LCN6: variants seen among roughly 807,000 people sequenced by gnomAD.
LCN6 encodes epididymal-specific lipocalin-6.
A neutral mutation model predicts 21.4 loss-of-function variants in LCN6; 20 were observed. The ratio of observed to expected loss-of-function variants is 0.93; its 90% confidence interval spans 0.66 to 1.36. The LOEUF (loss-of-function observed/expected upper bound fraction) is 1.36, where lower values mean the gene tolerates loss of function less well. LCN6 is among the 40% of genes most tolerant of loss of function. LCN6 has a pLI of 0.00. For synonymous variants in LCN6, 96 were observed against 89.0 expected, an observed-to-expected ratio of 1.08 and a Z score of -0.44; for missense variants, 217 against 206.6, an observed-to-expected ratio of 1.05 and a Z score of -0.31.
Position 136,745,833 on chromosome 9 carries a change from G to A in LCN6, c.301+11C>T, listed in dbSNP as rs567225955. On this transcript the variant is annotated intron_variant, in intron 3 of 6. Transcript: ENST00000341206. ...GAACGGCCTGGGTGAGGCCGTGGCCGTCAGACTCACAGGGATTCTCAAACA... is the reference window on the plus strand; with the variant it reads ...GAACGGCCTGGGTGAGGCCGTGGCCATCAGACTCACAGGGATTCTCAAACA... 72 of 1,612,338 alleles carry A rather than the reference G, an allele frequency of 4.5e-5. 1 individual carries two copies. The Middle Eastern group carries it at 1.3e-3, about 30-fold the overall frequency.
In LCN6 at chr9:136,747,532, G is replaced by A; in HGVS notation, c.122C>T (p.Ala41Val). ...CATGGCAAAGCCCTTTTCCCGGGAG[G>A]CCACCGCAAGCACGTACCAGGGCCC... ...LLGPWYVLAVASREKGFAMEK... is the reference protein window; with the variant it reads ...LLGPWYVLAVVSREKGFAMEK... Residue 41 changes from alanine (A) to valine (V), a missense_variant, in exon 2 of 7, where the codon GCC (alanine) becomes GTC (valine). Coordinates refer to ENST00000341206, the MANE Select transcript of LCN6 (RefSeq NM_198946.3). 1 of 1,612,664 alleles carries A rather than the reference G, an allele frequency of 6.2e-7. No individual in the cohort carries two copies. Among genetic ancestry groups the A allele is most frequent in the Non-Finnish European group, 8.5e-7 (1 of 1,179,834 alleles).
At chr9:136,745,812 G>C in intron 3 of LCN6, 32 bp downstream of exon 3, 1 of 1,601,020 alleles carries the variant, frequency 6.2e-7, no homozygotes, top group Non-Finnish European at 8.6e-7. Flanking sequence ...AGGGAAGAAC[G>C]GCCTGGGTGA....
rs369700885 is a variant in LCN6 at position 136,747,465 on chromosome 9, G to A, written c.189C>T (p.Leu63=). ...MKNVVGVVVT[L]TPENNLRTLS... is the part of the protein sequence containing the mutation. ...GCGTCCGCAGGTTGTTTTCTGGAGT[G>A]AGGGTCACCACCACCCCCACGACGT... The change falls in exon 2 of 7, where the codon CTC becomes CTT. Residue 63 remains leucine, a synonymous_variant. Coordinates refer to ENST00000341206, the MANE Select transcript of LCN6 (RefSeq NM_198946.3). 1.8e-4 allele frequency: 295 copies of A among 1,613,582 alleles called. No individual in the cohort carries two copies. The highest frequency in any genetic ancestry group is 2.4e-4 in the Non-Finnish European group (283 of 1,179,884).
Position 136,744,882 on chromosome 9 carries a change from C to T in LCN6, c.413-141G>A, listed in dbSNP as rs77542837. On this transcript the variant is annotated intron_variant, in intron 4 of 6. Coordinates refer to ENST00000341206, the MANE Select transcript of LCN6 (RefSeq NM_198946.3). This position sits in a 1 kb window ranked among gnomAD's most constrained non-coding sequence, Gnocchi z 4.2. Reference sequence around the variant, plus strand: ...CCTTCCAAAGCCACCTCCAGTGCAGCGAGCCTCAAGGTGGGGGAACTTGGC... The same window carrying T: ...CCTTCCAAAGCCACCTCCAGTGCAGTGAGCCTCAAGGTGGGGGAACTTGGC... 3,534 of 684,012 alleles carry T rather than the reference C, an allele frequency of 5.2e-3. 85 individuals carry two copies. In the African/African-American group the frequency reaches 0.055, roughly 11 times the overall value. 42.4% of individuals were successfully genotyped at this position (684,012 alleles called of 1,614,324 possible). A position where few individuals can be genotyped will look rare whatever the true frequency, so the allele number is the denominator to read the frequency against.
At chr9:136,745,756 G>A (rs542579447) in intron 3 of LCN6, 88 bp downstream of exon 3, 38 of 1,158,162 alleles carry the variant, frequency 3.3e-5, no homozygotes, top group South Asian at 6.2e-5. Context: ...TCTCGGGAGC[G>A]GAGTCAGCCC....
chr9:136,745,957 C>T (rs756567995), intron 2 of LCN6, 43 bp from the exon 3 acceptor site: 68 of 1,580,202 alleles, frequency 4.3e-5, no homozygotes, highest in African/African-American at 2.6e-4. Context: ...GTCAAGACCC[C>T]GGGGCCCGGT....
intron 2 of LCN6, 110 bp downstream of exon 2, chr9:136,747,314 C>T (rs1847052117): frequency 4.0e-6 from 5 of 1,257,860 alleles, no homozygotes; most frequent in South Asian, 2.8e-5. Flanking sequence ...TGCAGAGGGG[C>T]CGTGGGAAGC....
At chr9:136,746,434 C>T (rs1158783246) in intron 2 of LCN6, among the ~76,000 whole-genome samples, 1 of 152,032 alleles carries the variant, frequency 6.6e-6, no homozygotes, top group African/African-American at 2.4e-5. Context: ...GGGGCCGGCG[C>T]TCCCTAAGTG....
At chr9:136,748,036 C>CCCAGTAG (rs1305428169) in intron 1 of LCN6, among the ~76,000 whole-genome samples, 2 of 149,138 alleles carry the variant, frequency 1.3e-5, no homozygotes, top group African/African-American at 5.0e-5. Flanking sequence ...CAGCCTCCAG[C>CCCAGTAG]CCTCCAGCCT....
intron 1 of LCN6, among the ~76,000 whole-genome samples, chr9:136,747,832 G>T (rs1015046710): frequency 3.2e-5 from 4 of 125,192 alleles, no homozygotes; most frequent in Non-Finnish European, 7.0e-5. Flanking sequence ...CAGCCTTGCA[G>T]CCTCTAGCCT....
rs148747287 is a variant in LCN6, at chr9:136,745,866, G to A, written c.279C>T (p.Ser93=). ...QSVMDLIKRN[S]GWVFENPSIG... ...CACAGGGATTCTCAAACACCCATCC[G>A]GAGTTTCGCTTTATCAGGTCCATGA... The change falls in exon 3 of 7, where the codon TCC becomes TCT. Residue 93 remains serine, a synonymous_variant. Coordinates refer to ENST00000341206, the MANE Select transcript of LCN6 (RefSeq NM_198946.3). 2.2e-5 allele frequency: 36 copies of A among 1,613,662 alleles called. No homozygotes were observed. In the African/African-American group the frequency reaches 2.3e-4, roughly 10 times the overall value.
chr9:136,748,457 A>C lies in LCN6; in HGVS notation c.27T>G (p.Phe9Leu). ...CCCTGGGCACCGAGACCAAAGCCAG[A>C]AAAGCAGCCAGCAGCAGGCCGCCCA... MGGLLLAA[F>L]LALVSVPRAQ... The change falls in exon 1 of 7, where the codon TTT (phenylalanine) becomes TTG (leucine). Residue 9 changes from phenylalanine (F) to leucine (L), a missense_variant. Coordinates refer to ENST00000341206, the MANE Select transcript of LCN6 (RefSeq NM_198946.3). 1 of 1,613,210 alleles carries C rather than the reference A, an allele frequency of 6.2e-7. No individual in the cohort carries two copies. The highest frequency in any genetic ancestry group is 8.5e-7 in the Non-Finnish European group (1 of 1,179,942).
rs368814062 is a variant in LCN6, at chr9:136,747,582, C to T, written c.91-19G>A. On this transcript the variant is annotated intron_variant, in intron 1 of 6. Coordinates refer to ENST00000341206, the MANE Select transcript of LCN6 (RefSeq NM_198946.3). ...CAAGAAGCTGCATTGAGGCGGCTCC[C>T]GTTAGGGCCGCCAGCCCTCCAGCCT... The T allele has an allele frequency of 1.1e-5, 18 of 1,604,246 alleles. No homozygotes were observed. The highest frequency in any genetic ancestry group is 6.7e-5 in the East Asian group (3 of 44,858).
rs764481076 is a variant in LCN6, at chr9:136,744,994, G to GC, written c.412+175dup. ...CACTCACCACACAGCTCCCCATGTG[G>GC]CCCCAAGCGGCCCACTCACCACACA... On this transcript the variant is annotated intron_variant, in intron 4 of 6. Transcript: ENST00000341206. The surrounding 1 kb of genome is among the most constrained non-coding windows in gnomAD (Gnocchi z 4.2). 1.0e-3 allele frequency among the ~76,000 whole-genome samples: 157 copies of GC among 149,790 alleles called. No individual in the cohort carries two copies. Among genetic ancestry groups the GC allele is most frequent in the Non-Finnish European group, 1.8e-3 (119 of 67,288 alleles).
At chr9:136,746,621 C>CG (rs145158787) in intron 2 of LCN6, among the ~76,000 whole-genome samples, 20,215 of 151,864 alleles carry the variant, frequency 0.13, 1,400 homozygotes, top group Admixed American at 0.18. Flanking sequence ...AGGCCTGGCC[C>CG]GGGGGGTGCA....
At chr9:136,748,005 G>C (rs1847073074) in intron 1 of LCN6, among the ~76,000 whole-genome samples, 1 of 139,710 alleles carries the variant, frequency 7.2e-6, no homozygotes, top group South Asian at 2.4e-4. Flanking sequence ...CAGCCCTCCA[G>C]CCTCCAGTTC....
chr9:136,748,017 GCAGCCCTCCAGCCTC>G (rs1274961303), intron 1 of LCN6, among the ~76,000 whole-genome samples: 9 of 47,952 alleles, frequency 1.9e-4, no homozygotes, highest in Admixed American at 6.6e-4. Flanking sequence ...CTCCAGTTCT[GCAGCCCTCCAGCCTC>G]CAGCCCTCCA....
Position 136,744,548 on chromosome 9 carries a change from A to T in LCN6, c.*22+92T>A. Reference sequence around the variant, plus strand: ...GCGACTGAGTCAGGCAGAAGCCAGAATCAACCCCAGGGTCTCTGTCACCCC... The same window carrying T: ...GCGACTGAGTCAGGCAGAAGCCAGATTCAACCCCAGGGTCTCTGTCACCCC... On this transcript the variant is annotated intron_variant, in intron 5 of 6. Coordinates refer to ENST00000341206, the MANE Select transcript of LCN6 (RefSeq NM_198946.3). The surrounding 1 kb of genome is among the most constrained non-coding windows in gnomAD (Gnocchi z 4.2). The T allele has an allele frequency of 1.3e-6, 1 of 791,568 alleles. No individual in the cohort carries two copies. Among genetic ancestry groups the T allele is most frequent in the East Asian group, 2.7e-5 (1 of 36,760 alleles). 49.0% of individuals were successfully genotyped at this position (791,568 alleles called of 1,614,324 possible).
At chr9:136,747,040 G>A (rs1000540096) in intron 2 of LCN6, 2 of 175,330 alleles carry the variant, frequency 1.1e-5, no homozygotes, top group Non-Finnish European at 2.4e-5. Context: ...AAGAACCAGT[G>A]GTTCTTAGGT....
Sources: allele counts gnomAD v4.1 joint callset (sites outside exome capture counted in the v4.1 genomes callset), GRCh38; gene constraint gnomAD v4.1.1; non-coding constraint Gnocchi (gnomAD v3.1); transcripts MANE v1.5; gene names NCBI Gene and HGNC (gene_info 2026-07-23, HGNC 2026-07-21).